CACNA1A: variants seen among roughly 807,000 people sequenced by gnomAD.
CACNA1A encodes the protein voltage-dependent P/Q-type calcium channel subunit alpha-1A.
CACNA1A carries 57 observed loss-of-function variants against 262.4 expected under a neutral mutation model. That is an observed-to-expected ratio of 0.22 (90% CI 0.18 to 0.27). The LOEUF (loss-of-function observed/expected upper bound fraction) is 0.27. Ranked by LOEUF, CACNA1A falls within the 10% of genes least tolerant of loss-of-function variation. CACNA1A has a pLI of 1.00. For synonymous variants in CACNA1A, 1,431 were observed against 1,419.3 expected, an observed-to-expected ratio of 1.01 and a Z score of -0.18; for missense variants, 2,526 against 3,562.8, an observed-to-expected ratio of 0.71 and a Z score of 7.41.
intron 19 of CACNA1A, among the ~76,000 whole-genome samples, chr19:13,294,806 G>A (rs2057628187): frequency 6.6e-6 from 1 of 151,928 alleles, no homozygotes; most frequent in South Asian, 2.1e-4. Context: ...GCTCTTCATT[G>A]GTCTTTACTA....
chr19:13,315,138 C>G (rs2058101045), intron 11 of CACNA1A: 1 of 151,710 alleles, frequency 6.6e-6, no homozygotes. Context: ...CTACACTTCA[C>G]TGATGCCAAG....
At position 13,255,263 on chromosome 19, in the gene CACNA1A, C is replaced by G; in HGVS notation, c.4591-4G>C. 2 of 1,587,016 alleles carry G rather than the reference C, an allele frequency of 1.3e-6. No homozygotes were observed. Among genetic ancestry groups the G allele is most frequent in the Non-Finnish European group, 1.7e-6 (2 of 1,160,776 alleles). On this transcript the variant is annotated splice_region_variant and splice_polypyrimidine_tract_variant and intron_variant, in intron 28 of 46. Coordinates refer to ENST00000360228, the MANE Select transcript of CACNA1A (RefSeq NM_001127222.2). ...TGGCGAAATCAATGCAGGCCCTCTG[C>G]GGGAGAGAGGCCAGTGGTGAGAGCG...
chr19:13,212,529 G>C lies in CACNA1A; in HGVS notation c.6051-7C>G, dbSNP rs776664699. ...GCCGCTTTCGTGAGCCATCCTGCAT[G>C]GGGGACAGAGGCCGGGGTAGCAGTG... On this transcript the variant is annotated splice_region_variant and splice_polypyrimidine_tract_variant and intron_variant, in intron 41 of 46. Transcript: ENST00000360228. This position sits in a 1 kb window ranked among gnomAD's most constrained non-coding sequence, Gnocchi z 5.6. The C allele has an allele frequency of 1.3e-6, 2 of 1,560,730 alleles. No homozygotes were observed. The highest frequency in any genetic ancestry group is 1.4e-5 in the African/African-American group (1 of 73,704).
At chr19:13,253,933 T>G (rs1344077243) in intron 29 of CACNA1A, among the ~76,000 whole-genome samples, 1 of 151,410 alleles carries the variant, frequency 6.6e-6, no homozygotes, top group Non-Finnish European at 1.5e-5. Context: ...AGAGACGGGA[T>G]TTCACCATGT....
intron 3 of CACNA1A, among the ~76,000 whole-genome samples, chr19:13,405,832 T>G (rs957288291): frequency 5.3e-5 from 8 of 152,220 alleles, no homozygotes; most frequent in African/African-American, 1.9e-4. Flanking sequence ...GGTTGGCTAC[T>G]GTTGACGCCA....
intron 19 of CACNA1A, among the ~76,000 whole-genome samples, chr19:13,287,888 G>T (rs1311107119): frequency 1.4e-5 from 2 of 146,240 alleles, no homozygotes; most frequent in African/African-American, 5.0e-5. Context: ...CTGCAGCCTT[G>T]AACTTCTGGG....
intron 3 of CACNA1A, among the ~76,000 whole-genome samples, chr19:13,429,167 T>TAC (rs56218610): frequency 0.12 from 16,567 of 141,054 alleles, 1,026 homozygotes; most frequent in African/African-American, 0.19. Flanking sequence ...TCACTGTGCG[T>TAC]ACACACACAC....
chr19:13,287,519 T>TTTTCTTTC (rs772125563), intron 19 of CACNA1A, among the ~76,000 whole-genome samples: 4 of 152,044 alleles, frequency 2.6e-5, no homozygotes, highest in Non-Finnish European at 4.4e-5. Context: ...ATCTTATTTC[T>TTTTCTTTC]TTTCTTTCTT....
intron 1 of CACNA1A, among the ~76,000 whole-genome samples, chr19:13,476,817 A>T (rs560346925): frequency 1.3e-5 from 2 of 152,156 alleles, no homozygotes; most frequent in East Asian, 3.9e-4. Flanking sequence ...CACCCCCACT[A>T]TTACCTGCCA....
At chr19:13,210,014 G>A (rs187466678) in intron 44 of CACNA1A, among the ~76,000 whole-genome samples, 7 of 152,132 alleles carry the variant, frequency 4.6e-5, no homozygotes, top group Admixed American at 4.6e-4. Flanking sequence ...GGCTAACGGG[G>A]CTGTGCTCGC....
intron 37 of CACNA1A, 46 bp from the exon 38 acceptor site, chr19:13,224,818 C>G (rs2055374713): frequency 6.9e-7 from 1 of 1,451,178 alleles, no homozygotes; most frequent in Non-Finnish European, 9.5e-7. Flanking sequence ...GGCATCCCTC[C>G]TGGGTCTCCC....
At chr19:13,336,737 T>G (rs902474861) in intron 6 of CACNA1A, among the ~76,000 whole-genome samples, 2 of 152,144 alleles carry the variant, frequency 1.3e-5, no homozygotes, top group Non-Finnish European at 1.5e-5. Flanking sequence ...CATTTAATCC[T>G]CATGATGCCT....
At position 13,332,909 on chromosome 19, in the gene CACNA1A, G is replaced by T; in HGVS notation, c.1215C>A (p.Ala405=). The T allele has an allele frequency of 6.2e-7, 1 of 1,612,336 alleles. No homozygotes were observed. The highest frequency in any genetic ancestry group is 8.5e-7 in the Non-Finnish European group (1 of 1,178,866). ...WISKAEEVIL[A]EDETDGEQRH... ...TCTGCTCCCCGTCAGTTTCATCCTC[G>T]GCGAGGATCACCTCTTCTGAAGAGG... The change falls in exon 9 of 47, where the codon GCC becomes GCA. Residue 405 remains alanine, a synonymous_variant. Coordinates refer to ENST00000360228, the MANE Select transcript of CACNA1A (RefSeq NM_001127222.2).
intron 46 of CACNA1A, 97 bp downstream of exon 46, chr19:13,208,659 G>T (rs1048024870): frequency 2.9e-6 from 4 of 1,389,652 alleles, no homozygotes; most frequent in Non-Finnish European, 3.8e-6. Flanking sequence ...GGGATCCGGG[G>T]ACCTTTGCCT....
At chr19:13,488,898 C>G (rs562035329) in intron 1 of CACNA1A, among the ~76,000 whole-genome samples, 1 of 151,710 alleles carries the variant, frequency 6.6e-6, no homozygotes, top group South Asian at 2.1e-4. Flanking sequence ...TAGATCTGCA[C>G]TATTCAGCAC....
At chr19:13,339,021 ATGCCTGGCTAATTTT>A (rs2058628031) in intron 6 of CACNA1A, among the ~76,000 whole-genome samples, 1 of 152,084 alleles carries the variant, frequency 6.6e-6, no homozygotes, top group Non-Finnish European at 1.5e-5. Context: ...GCCCGCCACC[ATGCCTGGCTAATTTT>A]TGTATTTTTA....
At chr19:13,274,937 G>C (rs938424077) in intron 24 of CACNA1A, 3 of 151,714 alleles carry the variant, frequency 2.0e-5, no homozygotes, top group Admixed American at 6.6e-5. Context: ...ATCTTAGCAT[G>C]GTAGCCCAGA....
chr19:13,266,404 C>T lies in CACNA1A; in HGVS notation c.3990-3571G>A, dbSNP rs148346055. On this transcript the variant is annotated intron_variant, in intron 24 of 46. Transcript: ENST00000360228. ...CCTTTTGAAATTGAACTTTAGAATA[C>T]ATGTTGATAGAAAAAAAGTCAAGGA... Among the ~76,000 whole-genome samples the T allele has an allele frequency of 2.0e-3, 298 of 152,052 alleles. 1 individual carries two copies. Among genetic ancestry groups the T allele is most frequent in the African/African-American group, 6.7e-3 (278 of 41,474 alleles).
chr19:13,394,397 CG>C (rs74369284), intron 3 of CACNA1A, among the ~76,000 whole-genome samples: 30,896 of 152,062 alleles, frequency 0.2, 7,239 homozygotes, highest in African/African-American at 0.56. Context: ...ATGATGATCC[CG>C]CCATACAATT....
Sources: gnomAD v4.1 joint callset for allele counts (sites outside exome capture counted in the v4.1 genomes callset) on GRCh38, gnomAD v4.1.1 for gene constraint, Gnocchi (gnomAD v3.1) non-coding constraint, MANE v1.5 for transcripts, NCBI Gene and HGNC (gene_info 2026-07-23, HGNC 2026-07-21) for gene names.